The following SULT4A1 variants were observed in gnomAD, a reference collection of about 807,000 sequenced individuals.
The protein encoded by SULT4A1 is sulfotransferase 4A1.
Under a neutral mutation model 35.2 loss-of-function variants are expected in SULT4A1, and 11 were observed. That is an observed-to-expected ratio of 0.31 (90% CI 0.20 to 0.52). The LOEUF (loss-of-function observed/expected upper bound fraction) is 0.52, where lower values mean the gene tolerates loss of function less well. Ranked by LOEUF, SULT4A1 falls within the 20% of genes least tolerant of loss-of-function variation. The pLI is 0.97. For synonymous variants in SULT4A1, 152 were observed against 151.8 expected (o/e 1.00, Z -0.01); for missense variants, 271 against 383.7 (o/e 0.71, Z 2.45).
At chr22:43,862,147 G>T (rs1359750328) in intron 1 of SULT4A1, 67 bp downstream of exon 1, 12 of 1,257,714 alleles carry the variant, frequency 9.5e-6, no homozygotes, top group Non-Finnish European at 1.2e-5. Flanking sequence ...GCGCGGGCGC[G>T]GCGTCTACGC....
intron 2 of SULT4A1, among the ~76,000 whole-genome samples, chr22:43,841,217 G>A (rs1482674822): frequency 6.6e-6 from 1 of 152,208 alleles, no homozygotes; most frequent in Admixed American, 6.5e-5. Flanking sequence ...GTGCCATGGG[G>A]AGGGATGGCA....
intron 1 of SULT4A1, among the ~76,000 whole-genome samples, chr22:43,852,406 A>C (rs547950375): frequency 3.3e-4 from 50 of 150,674 alleles, no homozygotes; most frequent in African/African-American, 1.0e-3. Context: ...TTGAACTCCT[A>C]GGCTCAAGCA....
At chr22:43,854,099 C>T (rs1025988868) in intron 1 of SULT4A1, among the ~76,000 whole-genome samples, 3 of 152,198 alleles carry the variant, frequency 2.0e-5, no homozygotes, top group African/African-American at 7.2e-5. Flanking sequence ...ATGTAGCACT[C>T]TCATGACATC....
intron 1 of SULT4A1, among the ~76,000 whole-genome samples, chr22:43,861,777 G>A (rs1164975611): frequency 6.6e-6 from 1 of 152,202 alleles, no homozygotes; most frequent in African/African-American, 2.4e-5. Flanking sequence ...TGACGCCCAT[G>A]TTATCTCCCT....
At position 43,833,639 on chromosome 22, in the gene SULT4A1, C is replaced by T; in HGVS notation, c.603+1G>A. 6.3e-7 allele frequency: 1 copy of T among 1,593,668 alleles called. No homozygotes were observed. Among genetic ancestry groups the T allele is most frequent in the South Asian group, 1.1e-5 (1 of 88,072 alleles). On this transcript the variant is annotated splice_donor_variant, in intron 5 of 6. Transcript: ENST00000330884. LOFTEE classifies it high-confidence loss of function. ...AGGACAGCTGCTCCGGCAGCACTCA[C>T]CCGATGCATGTCTTCATACTTGAGA... is the stretch of plus-strand genomic sequence containing the variant.
At chr22:43,836,425 C>G (rs112689265) in intron 4 of SULT4A1, among the ~76,000 whole-genome samples, 24 of 111,594 alleles carry the variant, frequency 2.2e-4, no homozygotes, top group African/African-American at 7.5e-4. Context: ...GCCACAGGGA[C>G]CCTGTCTACA....
At chr22:43,840,168 A>G in intron 2 of SULT4A1, 143 bp from the exon 3 acceptor site, 1 of 435,120 alleles carries the variant, frequency 2.3e-6, no homozygotes, top group East Asian at 6.1e-5. Flanking sequence ...CGGCGGGTCT[A>G]GGGTAGCGGA....
intron 1 of SULT4A1, among the ~76,000 whole-genome samples, 161 bp downstream of exon 1, chr22:43,862,053 C>T (rs2049476559): frequency 6.6e-6 from 1 of 152,002 alleles, no homozygotes; most frequent in African/African-American, 2.4e-5. Context: ...CACCCCGCCC[C>T]GCAGGGATCC....
intron 5 of SULT4A1, among the ~76,000 whole-genome samples, chr22:43,831,563 C>T (rs1264739116): frequency 6.6e-6 from 1 of 152,188 alleles, no homozygotes; most frequent in Non-Finnish European, 1.5e-5. Flanking sequence ...ATGGCCTCCA[C>T]GCCCGGCAAC....
chr22:43,850,938 A>G (rs770187768), intron 1 of SULT4A1, among the ~76,000 whole-genome samples: 1 of 151,958 alleles, frequency 6.6e-6, no homozygotes, highest in Non-Finnish European at 1.5e-5. Context: ...CTCATTCACT[A>G]GGCCAGACAG....
intron 1 of SULT4A1, among the ~76,000 whole-genome samples, chr22:43,853,402 G>A (rs557671354): frequency 6.6e-6 from 1 of 152,200 alleles, no homozygotes. Flanking sequence ...CCTGGGAAAC[G>A]AATTGCAGCC....
chr22:43,852,345 G>A (rs563021316), intron 1 of SULT4A1, among the ~76,000 whole-genome samples: 1 of 121,064 alleles, frequency 8.3e-6, no homozygotes, highest in Non-Finnish European at 1.9e-5. Context: ...GTTTTTTTTT[G>A]TTGTTTTTTT....
At chr22:43,854,102 A>G (rs2049374867) in intron 1 of SULT4A1, among the ~76,000 whole-genome samples, 1 of 152,218 alleles carries the variant, frequency 6.6e-6, no homozygotes, top group Admixed American at 6.5e-5. Flanking sequence ...TAGCACTCTC[A>G]TGACATCAGT....
intron 2 of SULT4A1, among the ~76,000 whole-genome samples, chr22:43,841,538 C>A (rs2063428657): frequency 6.6e-6 from 1 of 152,090 alleles, no homozygotes; most frequent in Non-Finnish European, 1.5e-5. Flanking sequence ...GCCTGCTCCC[C>A]ACAAATGGCC....
Position 43,843,925 on chromosome 22 carries a change from GGGCTTGTGGTT to G in SULT4A1, c.170-2004_170-1994del, listed in dbSNP as rs2063453851. ...TGAGACACACAGGCAAAACAACCTG[GGGCTTGTGGTT>G]GGCATCAGAACTGGGGGCAGTCTTG... is the stretch of plus-strand genomic sequence containing the variant. On this transcript the variant is annotated intron_variant, in intron 1 of 6. Transcript: ENST00000330884. 1.3e-5 allele frequency among the ~76,000 whole-genome samples: 2 copies of G among 152,190 alleles called. 1 individual carries two copies. Among genetic ancestry groups the G allele is most frequent in the South Asian group, 4.1e-4 (2 of 4,828 alleles).
chr22:43,835,344 G>A (rs563753235), intron 4 of SULT4A1, among the ~76,000 whole-genome samples: 5 of 152,326 alleles, frequency 3.3e-5, no homozygotes, highest in African/African-American at 1.2e-4. Context: ...ACCTCCATAC[G>A]ACAGAGAGCA....
rs755593122 is a variant in SULT4A1, at chr22:43,832,321, C to T, written c.603+1319G>A. ...CTCCATGGCGCGTGTGACCTTAGAC[C>T]GCCACATGACCTTGCTCTTTCCTCA... is the stretch of plus-strand genomic sequence containing the variant. On this transcript the variant is annotated intron_variant, in intron 5 of 6. Transcript: ENST00000330884. Among the ~76,000 whole-genome samples, 9 of 152,264 alleles carry T rather than the reference C, an allele frequency of 5.9e-5. No individual in the cohort carries two copies. In the East Asian group the frequency reaches 1.2e-3, roughly 20 times the overall value.
chr22:43,828,026 T>C (rs1219320595), intron 6 of SULT4A1, among the ~76,000 whole-genome samples: 1 of 152,162 alleles, frequency 6.6e-6, no homozygotes, highest in Non-Finnish European at 1.5e-5. Flanking sequence ...ATCAGCCCCT[T>C]TTCAGAGAAG....
chr22:43,839,896 T>C, intron 3 of SULT4A1, 49 bp downstream of exon 3: 1 of 1,544,534 alleles, frequency 6.5e-7, no homozygotes, highest in East Asian at 2.3e-5. Context: ...GACCTTGGGC[T>C]CCTCTTGGTG....
Sources: gnomAD v4.1 joint callset for allele counts (sites outside exome capture counted in the v4.1 genomes callset) on GRCh38, gnomAD v4.1.1 for gene constraint, MANE v1.5 for transcripts, NCBI Gene and HGNC (gene_info 2026-07-23, HGNC 2026-07-21) for gene names.